Variants in VANGL2 observed in about 807,000 individuals in gnomAD.
VANGL2 encodes VANGL planar cell polarity protein 2.
In VANGL2, 14 loss-of-function variants were observed where a neutral mutation model predicts 50.2. That is an observed-to-expected ratio of 0.28 (90% CI 0.18 to 0.44). The LOEUF (loss-of-function observed/expected upper bound fraction) is 0.44. Among genes scored for constraint, VANGL2 ranks in the 20% least tolerant of loss-of-function variants. VANGL2 has a pLI of 1.00. For missense variants in VANGL2, 533 were observed against 701.5 expected, an observed-to-expected ratio of 0.76 and a Z score of 2.71; for synonymous variants, 295 against 297.2, an observed-to-expected ratio of 0.99 and a Z score of 0.08.
At chr1:160,408,118 T>C (rs921324085) in intron 1 of VANGL2, among the ~76,000 whole-genome samples, 1 of 151,824 alleles carries the variant, frequency 6.6e-6, no homozygotes, top group African/African-American at 2.4e-5. Context: ...ACGTGTCTGC[T>C]TTTGTGTGCT....
chr1:160,412,961 C>A (rs1261050291), intron 1 of VANGL2, among the ~76,000 whole-genome samples: 2 of 152,186 alleles, frequency 1.3e-5, no homozygotes, highest in African/African-American at 4.8e-5. Flanking sequence ...CAGTAACATG[C>A]TGTACAGGTT....
chr1:160,424,086 A>G lies in VANGL2; in HGVS notation c.1108A>G (p.Ile370Val), dbSNP rs746959615. The G allele has an allele frequency of 6.2e-7, 1 of 1,614,018 alleles. No homozygotes were observed. The change falls in exon 7 of 8, where the codon ATT becomes GTT. Residue 370 changes from isoleucine to valine, a missense_variant. By Grantham distance (29) the Ile-to-Val change is conservative. Transcript: ENST00000368061. ...VVAVEEAFTH[I>V]KRLQEEEQKN... The stretch of plus-strand genomic sequence containing the variant: ...GGCGGTGGAGGAGGCCTTCACTCAC[A>G]TTAAGCGGCTGCAGGAAGAGGAGCA...
At chr1:160,423,818 T>G (rs780419448) in intron 6 of VANGL2, among the ~76,000 whole-genome samples, 3 of 152,278 alleles carry the variant, frequency 2.0e-5, no homozygotes, top group Non-Finnish European at 4.4e-5. Context: ...TAGTTGTCTC[T>G]CTGGGTTTGA....
rs1205094724 is a variant in VANGL2, at chr1:160,400,732, C to G, written c.-328C>G. 4 of 151,950 alleles carry G rather than the reference C, an allele frequency of 2.6e-5. No homozygotes were observed. Among genetic ancestry groups the G allele is most frequent in the African/African-American group, 7.3e-5 (3 of 41,216 alleles). 9.4% of individuals were successfully genotyped at this position (151,950 alleles called of 1,614,324 possible). On this transcript the variant is annotated 5_prime_UTR_variant, in exon 1 of 8. Transcript: ENST00000368061. ...GCAGGGGGTGACCAGACTCAAGAACCCCCCCCTCAACATCCCCCATCGCGC... is the reference window on the plus strand; with the variant it reads ...GCAGGGGGTGACCAGACTCAAGAACGCCCCCCTCAACATCCCCCATCGCGC...
rs1651366311 is a variant in VANGL2 at position 160,424,111 on chromosome 1, A to G, written c.1133A>G (p.Gln378Arg). ...THIKRLQEEEQKNPREVMDPR... is the reference protein window; with the variant it reads ...THIKRLQEEERKNPREVMDPR... The stretch of plus-strand genomic sequence containing the variant: ...ATTAAGCGGCTGCAGGAAGAGGAGC[A>G]GAAAAACCCCAGGGAGGTGATGGAC... The change falls in exon 7 of 8, where the codon CAG becomes CGG. Residue 378 changes from glutamine (Q) to arginine (R), a missense_variant. Transcript: ENST00000368061. 6.2e-7 allele frequency: 1 copy of G among 1,614,176 alleles called. No individual in the cohort carries two copies. Among genetic ancestry groups the G allele is most frequent in the East Asian group, 2.2e-5 (1 of 44,884 alleles).
At position 160,419,722 on chromosome 1, in the gene VANGL2, TTG is replaced by T; in HGVS notation, c.800+118_800+119del. On this transcript the variant is annotated intron_variant, in intron 4 of 7. Transcript: ENST00000368061. The surrounding 1 kb of genome is among the most constrained non-coding windows in gnomAD (Gnocchi z 5.8). Reference sequence around the variant, plus strand: ...GGCTGGAGGTGATGGGCTTGGAGGGTTGTGTGGGAGGGAGTTGAGTACTTTGC... The same window carrying T: ...GGCTGGAGGTGATGGGCTTGGAGGGTTGTGGGAGGGAGTTGAGTACTTTGC... 1 of 1,452,902 alleles carries T rather than the reference TTG, an allele frequency of 6.9e-7. No homozygotes were observed. Among genetic ancestry groups the T allele is most frequent in the South Asian group, 1.4e-5 (1 of 72,694 alleles). The allele number at this position is 1,452,902 out of a possible 1,614,324, so 90.0% of individuals were successfully genotyped here.
rs750530595 is a variant in VANGL2, at chr1:160,419,326, G to A, written c.517G>A (p.Ala173Thr). 28 of 1,609,782 alleles carry A rather than the reference G, an allele frequency of 1.7e-5. No homozygotes were observed. The highest frequency in any genetic ancestry group is 5.0e-5 in the Admixed American group (3 of 60,008). ...GGCTCTGTTCTTCCGCCGGCCCAAG[G>A]CCTCGCTGCCCCGCGTCTTTGTGCT... ...SWALFFRRPK[A>T]SLPRVFVLRA... Residue 173 changes from alanine (A) to threonine (T), a missense_variant, in exon 4 of 8, where the codon GCC becomes ACC. Ala to Thr is a moderately conservative substitution (Grantham distance 58). Transcript: ENST00000368061. The surrounding 1 kb of genome is among the most constrained non-coding windows in gnomAD (Gnocchi z 5.8).
intron 1 of VANGL2, among the ~76,000 whole-genome samples, chr1:160,403,116 G>A (rs1372211521): frequency 2.6e-5 from 4 of 151,420 alleles, no homozygotes; most frequent in African/African-American, 7.3e-5. Context: ...AACGGGGAAC[G>A]GGGCAGAGTA....
chr1:160,401,035 G>T (rs1650440162), intron 1 of VANGL2, among the ~76,000 whole-genome samples, 166 bp downstream of exon 1: 1 of 152,230 alleles, frequency 6.6e-6, no homozygotes, highest in African/African-American at 2.4e-5. Context: ...CTGGACTCCG[G>T]GCAACCCCCT....
intron 3 of VANGL2, 121 bp from the exon 4 acceptor site, chr1:160,418,881 C>T (rs1185314188): frequency 7.8e-7 from 1 of 1,276,090 alleles, no homozygotes; most frequent in Non-Finnish European, 1.1e-6. Flanking sequence ...TTCTTTCTGC[C>T]TTCTCCTTTC....
intron 7 of VANGL2, among the ~76,000 whole-genome samples, chr1:160,424,908 C>T (rs1204420245): frequency 6.6e-6 from 1 of 152,076 alleles, no homozygotes; most frequent in Non-Finnish European, 1.5e-5. Flanking sequence ...GCCACATCCC[C>T]CTGTGCACTC....
At chr1:160,402,263 T>A (rs1435881144) in intron 1 of VANGL2, among the ~76,000 whole-genome samples, 1 of 152,126 alleles carries the variant, frequency 6.6e-6, no homozygotes, top group Non-Finnish European at 1.5e-5. Context: ...TCCCCCATCG[T>A]CATAGGCTGG....
At chr1:160,410,541 C>T (rs1650842429) in intron 1 of VANGL2, among the ~76,000 whole-genome samples, 1 of 152,158 alleles carries the variant, frequency 6.6e-6, no homozygotes, top group Admixed American at 6.5e-5. Context: ...CATCGGCCCC[C>T]AGCACGCGCC....
At chr1:160,417,910 T>A (rs1651116684) in intron 3 of VANGL2, among the ~76,000 whole-genome samples, 1 of 61,242 alleles carries the variant, frequency 1.6e-5, no homozygotes, top group Non-Finnish European at 3.2e-5. Context: ...CTTCCATAAT[T>A]TTTTTTTTTT....
chr1:160,413,497 C>T (rs1426195483), intron 1 of VANGL2, among the ~76,000 whole-genome samples: 2 of 152,042 alleles, frequency 1.3e-5, no homozygotes, highest in Non-Finnish European at 2.9e-5. Context: ...CTCCTGACCT[C>T]GTGATCCACC....
chr1:160,425,384 C>T lies in VANGL2; in HGVS notation c.*6C>T. ...AGTCTGAGACCTCAGTGTGACTGTG[C>T]AACAGCAGGGGGAGTGGGAAACTCT... On this transcript the variant is annotated 3_prime_UTR_variant, in exon 8 of 8. Transcript: ENST00000368061. 6.5e-7 allele frequency: 1 copy of T among 1,546,278 alleles called. No individual in the cohort carries two copies. The highest frequency in any genetic ancestry group is 8.7e-7 in the Non-Finnish European group (1 of 1,144,410).
chr1:160,415,967 G>A, intron 2 of VANGL2, 59 bp downstream of exon 2: 1 of 1,614,192 alleles, frequency 6.2e-7, no homozygotes, highest in Non-Finnish European at 8.5e-7. Flanking sequence ...CTGTTAAGAG[G>A]TGGGCACGTG....
chr1:160,405,751 G>A (rs1379580523), intron 1 of VANGL2, among the ~76,000 whole-genome samples: 1 of 152,110 alleles, frequency 6.6e-6, no homozygotes, highest in East Asian at 1.9e-4. Context: ...TTGGAACCCA[G>A]GTCTGCTTTA....
intron 1 of VANGL2, among the ~76,000 whole-genome samples, chr1:160,401,186 G>T (rs1374030423): frequency 6.6e-6 from 1 of 152,196 alleles, no homozygotes. Flanking sequence ...ATGATCCCAG[G>T]GGAGCCGGTT....
Sources: gnomAD v4.1 joint callset for allele counts (sites outside exome capture counted in the v4.1 genomes callset) on GRCh38, gnomAD v4.1.1 for gene constraint, Gnocchi (gnomAD v3.1) non-coding constraint, MANE v1.5 for transcripts, NCBI Gene and HGNC (gene_info 2026-07-23, HGNC 2026-07-21) for gene names.